The following NFU1 variants were observed in gnomAD, a reference collection of about 807,000 sequenced individuals.
The protein encoded by NFU1 is NFU1 iron-sulfur cluster scaffold.
In NFU1, 30 loss-of-function variants were observed where a neutral mutation model predicts 32.2. The ratio of observed to expected loss-of-function variants is 0.93; its 90% CI spans 0.70 to 1.26. The LOEUF (loss-of-function observed/expected upper bound fraction) is 1.26, where lower values mean the gene tolerates loss of function less well. Ranked by LOEUF, NFU1 falls within the 50% of genes most tolerant of loss-of-function variation. The pLI, the probability that NFU1 is intolerant of heterozygous loss-of-function variation, is 0.00. For synonymous variants in NFU1, 112 were observed against 104.6 expected (o/e 1.07, Z -0.43); for missense variants, 306 against 306.6 (o/e 1.00, Z 0.02).
rs1224599172 is a variant in NFU1 at position 69,415,046 on chromosome 2, G to T, written c.484+139C>A. ...CAATTTATACACAAGCTTTCAAAAT[G>T]ATATATAAATTTGCAGAGCTAAATA... On this transcript the variant is annotated intron_variant, in intron 5 of 7. Transcript: ENST00000410022. 3 of 625,294 alleles carry T rather than the reference G, an allele frequency of 4.8e-6. No homozygotes were observed. In the East Asian group the frequency reaches 8.4e-5, roughly 18 times the overall value. 38.7% of individuals were successfully genotyped at this position (625,294 alleles called of 1,614,324 possible).
intron 5 of NFU1, among the ~76,000 whole-genome samples, chr2:69,412,093 T>C (rs1290769723): frequency 1.3e-5 from 2 of 151,892 alleles, no homozygotes; most frequent in African/African-American, 4.8e-5. Context: ...GCTCTGTCAC[T>C]AGGCTGGAGT....
chr2:69,406,522 C>T (rs1280577372), intron 5 of NFU1, among the ~76,000 whole-genome samples: 1 of 152,132 alleles, frequency 6.6e-6, no homozygotes, highest in Non-Finnish European at 1.5e-5. Flanking sequence ...TTTCAAAATG[C>T]CAGCCATACT....
chr2:69,430,461 C>T (rs143274950), intron 2 of NFU1, among the ~76,000 whole-genome samples: 44 of 152,132 alleles, frequency 2.9e-4, no homozygotes, highest in African/African-American at 9.4e-4. Context: ...GGGATCTGCC[C>T]GCCTCAGCCT....
intron 1 of NFU1, among the ~76,000 whole-genome samples, chr2:69,434,736 T>C (rs1178524644): frequency 1.3e-5 from 2 of 152,230 alleles, no homozygotes; most frequent in Non-Finnish European, 2.9e-5. Context: ...GTCCAGATAC[T>C]GCTAATTCAT....
intron 4 of NFU1, among the ~76,000 whole-genome samples, chr2:69,418,258 G>A (rs1673121507): frequency 6.6e-6 from 1 of 152,046 alleles, no homozygotes; most frequent in Non-Finnish European, 1.5e-5. Flanking sequence ...AAATTAGTTG[G>A]ACATGGTGGT....
At chr2:69,432,072 T>A (rs1673657832) in intron 1 of NFU1, 67 bp from the exon 2 acceptor site, 2 of 1,043,348 alleles carry the variant, frequency 1.9e-6, no homozygotes, top group Non-Finnish European at 1.5e-6. Flanking sequence ...GGTTTCTACT[T>A]CTCATGTATA....
At position 69,419,622 on chromosome 2, in the gene NFU1, A is replaced by C. The variant is rs769749096; in HGVS notation, c.303-18T>G. 2.1e-5 allele frequency: 30 copies of C among 1,432,322 alleles called. No individual in the cohort carries two copies. Among genetic ancestry groups the C allele is most frequent in the Middle Eastern group, 1.7e-4 (1 of 5,744 alleles). 88.7% of individuals were successfully genotyped at this position (1,432,322 alleles called of 1,614,324 possible). A position where few individuals can be genotyped will look rare whatever the true frequency, so the allele number is the denominator to read the frequency against. ...ATAACTGCCTGCAAAAAAAGAAAAA[A>C]TAAGAGATATTAAAATGCTTGATTA... On this transcript the variant is annotated intron_variant, in intron 3 of 7. Transcript: ENST00000410022.
At chr2:69,402,707 GA>G (rs1558809838) in intron 6 of NFU1, among the ~76,000 whole-genome samples, 1 of 151,792 alleles carries the variant, frequency 6.6e-6, no homozygotes, top group Non-Finnish European at 1.5e-5. Context: ...TCAGCCTCCC[GA>G]GTAGCTGGGA....
At chr2:69,406,157 T>C in intron 5 of NFU1, 75 bp from the exon 6 acceptor site, 1 of 827,440 alleles carries the variant, frequency 1.2e-6, no homozygotes, top group East Asian at 2.4e-5. Context: ...TAAAACAGAA[T>C]GATTTTAACT....
chr2:69,434,639 C>T (rs1023884635), intron 1 of NFU1, among the ~76,000 whole-genome samples: 1 of 152,164 alleles, frequency 6.6e-6, no homozygotes, highest in Non-Finnish European at 1.5e-5. Context: ...CATCGCTATC[C>T]ATTACCACTG....
chr2:69,397,334 A>T (rs1672372350), intron 7 of NFU1, among the ~76,000 whole-genome samples: 2 of 152,306 alleles, frequency 1.3e-5, no homozygotes, highest in South Asian at 4.1e-4. Context: ...CCTCAGGAAA[A>T]TGTTACAACA....
intron 5 of NFU1, among the ~76,000 whole-genome samples, chr2:69,414,004 G>A (rs1214498498): frequency 6.6e-6 from 1 of 152,076 alleles, no homozygotes; most frequent in Non-Finnish European, 1.5e-5. Flanking sequence ...CCGAGATCAC[G>A]CCACTGCACT....
chr2:69,415,346 G>C (rs749420472), intron 4 of NFU1, 47 bp from the exon 5 acceptor site: 2 of 1,076,410 alleles, frequency 1.9e-6, no homozygotes. Context: ...CAACGGCAAA[G>C]ACCCATACAG....
chr2:69,421,204 AC>A (rs895028042), intron 3 of NFU1, among the ~76,000 whole-genome samples: 7 of 152,100 alleles, frequency 4.6e-5, no homozygotes, highest in African/African-American at 9.7e-5. Flanking sequence ...CAAAAGTGAA[AC>A]CTTATCTCAA....
At chr2:69,427,560 G>C (rs978948647) in intron 2 of NFU1, among the ~76,000 whole-genome samples, 1 of 143,366 alleles carries the variant, frequency 7.0e-6, no homozygotes, top group Admixed American at 7.0e-5. Flanking sequence ...TGCGTCCGTA[G>C]TCCCAGCTAC....
intron 1 of NFU1, among the ~76,000 whole-genome samples, chr2:69,433,982 C>T (rs1048839546): frequency 1.1e-4 from 17 of 148,624 alleles, no homozygotes; most frequent in African/African-American, 4.2e-4. Context: ...TGGATTACCA[C>T]TATGTTGCTC....
At chr2:69,412,543 C>T (rs1672919527) in intron 5 of NFU1, among the ~76,000 whole-genome samples, 1 of 151,940 alleles carries the variant, frequency 6.6e-6, no homozygotes, top group Non-Finnish European at 1.5e-5. Context: ...CGCGCCACCA[C>T]ACCCAGCTAA....
At chr2:69,400,684 C>A in intron 6 of NFU1, 146 bp from the exon 7 acceptor site, 1 of 670,998 alleles carries the variant, frequency 1.5e-6, no homozygotes. Context: ...ATAACTGTGG[C>A]TAAGTTTTAT....
intron 2 of NFU1, among the ~76,000 whole-genome samples, chr2:69,427,708 G>A (rs1673510330): frequency 6.8e-6 from 1 of 148,136 alleles, no homozygotes; most frequent in Non-Finnish European, 1.5e-5. Context: ...AAGGCCAGGT[G>A]TGGTGGCTCA....
Sources: gnomAD v4.1 joint callset for allele counts (sites outside exome capture counted in the v4.1 genomes callset) on GRCh38, gnomAD v4.1.1 for gene constraint, MANE v1.5 for transcripts, NCBI Gene and HGNC (gene_info 2026-07-23, HGNC 2026-07-21) for gene names.